ANKAR: variants seen among roughly 807,000 people sequenced by gnomAD.
The protein encoded by ANKAR is ankyrin and armadillo repeat-containing protein.
Under a neutral mutation model 146.2 loss-of-function variants are expected in ANKAR, and 136 were observed. That is an observed-to-expected ratio of 0.93 (90% confidence interval 0.81 to 1.07). The LOEUF is 1.07. Among genes scored for constraint, ANKAR ranks in the 50% least tolerant of loss-of-function variants. ANKAR has a pLI of 0.00. For missense variants in ANKAR, 1,567 were observed against 1,679.9 expected, an observed-to-expected ratio of 0.93 and a Z score of 1.18; for synonymous variants, 500 against 575.8, an observed-to-expected ratio of 0.87 and a Z score of 1.88.
At chr2:189,719,402 T>C (rs1174755036) in intron 10 of ANKAR, among the ~76,000 whole-genome samples, 170 bp from the exon 11 acceptor site, 1 of 152,122 alleles carries the variant, frequency 6.6e-6, no homozygotes, top group Non-Finnish European at 1.5e-5. Flanking sequence ...AGATGGAAGG[T>C]TTCTTCATGT....
chr2:189,722,443 TG>T (rs1284441117), intron 12 of ANKAR, among the ~76,000 whole-genome samples: 7 of 152,202 alleles, frequency 4.6e-5, no homozygotes, highest in African/African-American at 1.7e-4. Context: ...TCTCTTTTTT[TG>T]TTTGTGTTTT....
intron 2 of ANKAR, among the ~76,000 whole-genome samples, chr2:189,684,210 G>GT (rs1424193632): frequency 1.3e-5 from 2 of 151,974 alleles, no homozygotes; most frequent in African/African-American, 2.4e-5. Context: ...GAGTTGGGTT[G>GT]TTTTTTTCTC....
chr2:189,683,086 C>T (rs553894040), intron 2 of ANKAR, among the ~76,000 whole-genome samples: 97 of 152,270 alleles, frequency 6.4e-4, no homozygotes, highest in Non-Finnish European at 9.9e-4. Context: ...CCACCCTGTA[C>T]GGATACAGCA....
chr2:189,700,228 A>C (rs1489573185), intron 7 of ANKAR, among the ~76,000 whole-genome samples: 1 of 152,140 alleles, frequency 6.6e-6, no homozygotes, highest in Non-Finnish European at 1.5e-5. Flanking sequence ...GGATAATCTT[A>C]CAGGTTACAG....
chr2:189,759,911 T>G (rs558481902), intron 18 of ANKAR, among the ~76,000 whole-genome samples: 1 of 152,156 alleles, frequency 6.6e-6, no homozygotes, highest in Non-Finnish European at 1.5e-5. Flanking sequence ...TGCGGCCTTC[T>G]GCAGTGTTTA....
intron 10 of ANKAR, among the ~76,000 whole-genome samples, chr2:189,714,887 A>C (rs1389699471): frequency 6.8e-6 from 1 of 147,276 alleles, no homozygotes. Context: ...CGGAGCTTGC[A>C]GTGAGCCAAA....
At chr2:189,738,432 A>G in intron 18 of ANKAR, 133 bp from the exon 19 acceptor site, 3 of 588,178 alleles carry the variant, frequency 5.1e-6, no homozygotes, top group Non-Finnish European at 5.9e-6. Context: ...TGCTGCTTCT[A>G]TTGAATCCTC....
Position 189,692,242 on chromosome 2 carries a change from T to C in ANKAR, c.1040-13T>C. 1 of 1,582,532 alleles carries C rather than the reference T, an allele frequency of 6.3e-7. No homozygotes were observed. Among genetic ancestry groups the C allele is most frequent in the Non-Finnish European group, 8.5e-7 (1 of 1,170,048 alleles). On this transcript the variant is annotated splice_polypyrimidine_tract_variant and intron_variant, in intron 3 of 22. Transcript: ENST00000684021. The stretch of plus-strand genomic sequence containing the variant: ...TTCACTTTTTAAATAAAAATTTGTT[T>C]TCATTTTTGGAGATGACAAGGTCAA...
chr2:189,751,262 C>G (rs1307907485), downstream of ANKAR, among the ~76,000 whole-genome samples: 1 of 152,130 alleles, frequency 6.6e-6, no homozygotes, highest in Non-Finnish European at 1.5e-5. Context: ...GCCATTATCT[C>G]CAGCCTCAAC....
At chr2:189,755,786 C>T (rs1288310505) in intron 18 of ANKAR, among the ~76,000 whole-genome samples, 1 of 152,108 alleles carries the variant, frequency 6.6e-6, no homozygotes, top group African/African-American at 2.4e-5. Flanking sequence ...AACAGACTCC[C>T]ATGGATTTGT....
At chr2:189,707,520 C>T (rs1484883708) in intron 9 of ANKAR, among the ~76,000 whole-genome samples, 1 of 146,348 alleles carries the variant, frequency 6.8e-6, no homozygotes, top group African/African-American at 2.5e-5. Context: ...CCAACTTATT[C>T]CTTGCCTCCT....
intron 18 of ANKAR, among the ~76,000 whole-genome samples, chr2:189,756,314 CA>C (rs1475232004): frequency 6.6e-6 from 1 of 151,998 alleles, no homozygotes; most frequent in Non-Finnish European, 1.5e-5. Flanking sequence ...AACTAAGAGA[CA>C]AATTTGCTAG....
Position 189,683,827 on chromosome 2 carries a change from G to T in ANKAR, c.602-5700G>T, listed in dbSNP as rs186580256. ...ACACTGTGCTACAGTGGATTTCCAA[G>T]GAATTGTGCAGAAAGCCAACTCTTT... On this transcript the variant is annotated intron_variant, in intron 2 of 22. Transcript: ENST00000684021. 2.5e-3 allele frequency among the ~76,000 whole-genome samples: 385 copies of T among 152,352 alleles called. 1 individual carries two copies. The highest frequency in any genetic ancestry group is 4.8e-3 in the Admixed American group (73 of 15,304).
downstream of ANKAR, among the ~76,000 whole-genome samples, chr2:189,749,959 T>TA (rs999897297): frequency 7.2e-5 from 11 of 151,970 alleles, no homozygotes; most frequent in Non-Finnish European, 1.3e-4. Context: ...CCATCTCTAC[T>TA]AAAAAAACAA....
chr2:189,687,078 A>G (rs753870576), intron 2 of ANKAR, among the ~76,000 whole-genome samples: 6 of 152,010 alleles, frequency 3.9e-5, no homozygotes, highest in South Asian at 2.1e-4. Flanking sequence ...CTATCTAACT[A>G]TATTTTTGTA....
At position 189,730,483 on chromosome 2, in the gene ANKAR, G is replaced by A. The variant is rs773648510; in HGVS notation, c.3194-12G>A. 1.0e-5 allele frequency: 15 copies of A among 1,500,262 alleles called. No homozygotes were observed. Among genetic ancestry groups the A allele is most frequent in the Non-Finnish European group, 1.4e-5 (15 of 1,097,132 alleles). The allele number at this position is 1,500,262 out of a possible 1,614,324, so 92.9% of individuals were successfully genotyped here. A position where few individuals can be genotyped will look rare whatever the true frequency, so the allele number is the denominator to read the frequency against. Reference sequence around the variant, plus strand: ...GAAAAAAATATTACCTCACTGGCGTGGACTCTTACAGGTGTAGCCCATACA... The same window carrying A: ...GAAAAAAATATTACCTCACTGGCGTAGACTCTTACAGGTGTAGCCCATACA... On this transcript the variant is annotated splice_polypyrimidine_tract_variant and intron_variant, in intron 15 of 22. Transcript: ENST00000684021.
chr2:189,731,367 T>C (rs547236839), intron 16 of ANKAR, among the ~76,000 whole-genome samples: 171 of 37,886 alleles, frequency 4.5e-3, no homozygotes, highest in Admixed American at 7.5e-3. Context: ...TTGTTTCTTT[T>C]TCTTTTTTCT....
In ANKAR at chr2:189,677,016, C is replaced by A; in HGVS notation, c.526C>A (p.Arg176Ser). Residue 176 changes from arginine (R) to serine (S), a missense_variant, in exon 2 of 23, where the codon CGT (arginine) becomes AGT (serine). Physicochemically the swap from Arg to Ser is moderately radical, Grantham distance 110. Coordinates refer to ENST00000684021, the MANE Select transcript of ANKAR (RefSeq NM_001378068.1). ...EKRARFSELW[R>S]AIMDIDPDGK... Reference sequence around the variant, plus strand: ...ACGAGCTAGATTCTCTGAATTGTGGCGTGCCATCATGGACATTGATCCTGA... The same window carrying A: ...ACGAGCTAGATTCTCTGAATTGTGGAGTGCCATCATGGACATTGATCCTGA... 1 of 1,612,130 alleles carries A rather than the reference C, an allele frequency of 6.2e-7. No individual in the cohort carries two copies. The highest frequency in any genetic ancestry group is 1.1e-5 in the South Asian group (1 of 90,886).
chr2:189,733,230 G>T lies in ANKAR; in HGVS notation c.3423+1G>T, dbSNP rs766148115. On this transcript the variant is annotated splice_donor_variant, in intron 17 of 22. Transcript: ENST00000684021. LOFTEE classifies it high-confidence loss of function. ...TTATCTTCTTCACTCAACAGAAAAG[G>T]TAATACCTTTACAAAATATTGAGGT... The T allele has an allele frequency of 2.5e-6, 4 of 1,581,300 alleles. No homozygotes were observed. The South Asian group carries it at 3.6e-5, about 14-fold the overall frequency.
Sources: gnomAD v4.1 joint callset for allele counts (sites outside exome capture counted in the v4.1 genomes callset) on GRCh38, gnomAD v4.1.1 for gene constraint, MANE v1.5 for transcripts, NCBI Gene and HGNC (gene_info 2026-07-23, HGNC 2026-07-21) for gene names.